SLC18A1: variants seen among roughly 807,000 people sequenced by gnomAD.
SLC18A1 encodes solute carrier family 18 member A1, also known as chromaffin granule amine transporter.
SLC18A1 carries 69 observed loss-of-function variants against 53.7 expected under a neutral mutation model. The observed-to-expected ratio is 1.28, with a 90% CI of 1.06 to 1.57. The LOEUF (loss-of-function observed/expected upper bound fraction) is 1.57. Ranked by LOEUF, SLC18A1 falls within the 40% of genes most tolerant of loss-of-function variation. The probability of loss-of-function intolerance (pLI) is 0.00; values close to 1 mark genes in which losing one functional copy is unlikely to be tolerated. For missense variants in SLC18A1, 932 were observed against 668.1 expected (o/e 1.40, Z -4.35); for synonymous variants, 320 against 248.1 (o/e 1.29, Z -2.72).
Position 20,167,013 on chromosome 8 carries a change from G to C in SLC18A1, c.859-1906C>G, listed in dbSNP as rs117976049. ...CTTGACCATGGACGTTCAGCCTCCA[G>C]AGTCGTGAGAAAATAAATATGTGTT... is the stretch of plus-strand genomic sequence containing the variant. On this transcript the variant is annotated intron_variant, in intron 8 of 15. Transcript: ENST00000276373. Among the ~76,000 whole-genome samples the C allele has an allele frequency of 1.9e-3, 292 of 152,116 alleles. 1 individual carries two copies. The highest frequency in any genetic ancestry group is 3.4e-3 in the Middle Eastern group (1 of 294).
At chr8:20,164,820 A>G (rs1331700215) in intron 10 of SLC18A1, 49 bp downstream of exon 10, 4 of 1,441,014 alleles carry the variant, frequency 2.8e-6, no homozygotes, top group African/African-American at 1.4e-5. Context: ...GACTCATGGC[A>G]CCCACCTCCT....
intron 11 of SLC18A1, among the ~76,000 whole-genome samples, chr8:20,150,022 A>T (rs2071510330): frequency 6.6e-6 from 1 of 152,100 alleles, no homozygotes; most frequent in African/African-American, 2.4e-5. Context: ...TGTTCCTTAG[A>T]AGTAGCCCTC....
At chr8:20,164,415 T>C (rs1474133590) in intron 10 of SLC18A1, among the ~76,000 whole-genome samples, 1 of 152,214 alleles carries the variant, frequency 6.6e-6, no homozygotes, top group Admixed American at 6.5e-5. Context: ...TGGATGGTAA[T>C]GGTGCACATT....
In SLC18A1 at chr8:20,145,238, C is replaced by T. The variant is rs892050829; in HGVS notation, c.*525G>A. 3 of 149,996 alleles carry T rather than the reference C, an allele frequency of 2.0e-5. No individual in the cohort carries two copies. The highest frequency in any genetic ancestry group is 4.4e-5 in the Non-Finnish European group (3 of 67,470). The allele number at this position is 149,996 out of a possible 1,614,324, so 9.3% of individuals were successfully genotyped here. A position where few individuals can be genotyped will look rare whatever the true frequency, so the allele number is the denominator to read the frequency against. On this transcript the variant is annotated 3_prime_UTR_variant, in exon 16 of 16. Transcript: ENST00000276373. Reference sequence around the variant, plus strand: ...AAAAAAAAAAATAAATGAAAAAAAACAAAACAAAACTCTTCAAGCTGGCAT... The same window carrying T: ...AAAAAAAAAAATAAATGAAAAAAAATAAAACAAAACTCTTCAAGCTGGCAT...
rs867938855 is a variant in SLC18A1, at chr8:20,165,457, C to G, written c.859-350G>C. On this transcript the variant is annotated intron_variant, in intron 8 of 15. Transcript: ENST00000276373. ...TAGATGTCTGGACTCCTGGTTTCCACTAGATCTCCCTGGTACTAATATTTG... is the reference window on the plus strand; with the variant it reads ...TAGATGTCTGGACTCCTGGTTTCCAGTAGATCTCCCTGGTACTAATATTTG... 2.0e-5 allele frequency among the ~76,000 whole-genome samples: 3 copies of G among 152,272 alleles called. No individual in the cohort carries two copies. The South Asian group carries it at 6.2e-4, about 32-fold the overall frequency.
intron 6 of SLC18A1, 33 bp from the exon 7 acceptor site, chr8:20,171,527 G>C (rs369405475): frequency 6.6e-7 from 1 of 1,511,554 alleles, no homozygotes; most frequent in Non-Finnish European, 9.2e-7. Context: ...GATTCCAGAG[G>C]TGAGGGTGAG....
At chr8:20,146,459 A>G (rs1460496898) in intron 15 of SLC18A1, among the ~76,000 whole-genome samples, 1 of 152,140 alleles carries the variant, frequency 6.6e-6, no homozygotes, top group Non-Finnish European at 1.5e-5. Context: ...ACCACTCCCT[A>G]TCACACCTTC....
intron 12 of SLC18A1, chr8:20,148,564 G>T: frequency 2.3e-6 from 2 of 887,008 alleles, no homozygotes; most frequent in South Asian, 1.4e-5. Flanking sequence ...CCAGTTAGCT[G>T]TAAGCTAGAG....
intron 10 of SLC18A1, among the ~76,000 whole-genome samples, chr8:20,160,293 C>T (rs973130297): frequency 1.3e-5 from 2 of 148,538 alleles, no homozygotes; most frequent in South Asian, 2.2e-4. Context: ...AGCCTACAGC[C>T]TCCTAGATAC....
At position 20,174,896 on chromosome 8, in the gene SLC18A1, G is replaced by C. The variant is rs529775825; in HGVS notation, c.548-452C>G. On this transcript the variant is annotated intron_variant, in intron 4 of 15. Coordinates refer to ENST00000276373, the MANE Select transcript of SLC18A1 (RefSeq NM_003053.4). Reference sequence around the variant, plus strand: ...TACAGTGACAGTAAGTAGGTGCTTCGAGGATTATAGGAATTGGGTAGAAAA... The same window carrying C: ...TACAGTGACAGTAAGTAGGTGCTTCCAGGATTATAGGAATTGGGTAGAAAA... Among the ~76,000 whole-genome samples, 5 of 152,306 alleles carry C rather than the reference G, an allele frequency of 3.3e-5. 1 individual carries two copies. Among genetic ancestry groups the C allele is most frequent in the Admixed American group, 2.6e-4 (4 of 15,304 alleles).
chr8:20,155,304 A>G (rs1295569367), intron 10 of SLC18A1, among the ~76,000 whole-genome samples: 1 of 152,208 alleles, frequency 6.6e-6, no homozygotes, highest in African/African-American at 2.4e-5. Flanking sequence ...CTTCCTTAGA[A>G]TCAGAGGAAA....
chr8:20,167,409 G>C (rs1283024113), intron 8 of SLC18A1, among the ~76,000 whole-genome samples: 2 of 152,008 alleles, frequency 1.3e-5, no homozygotes, highest in Admixed American at 1.3e-4. Context: ...TCACCTATTT[G>C]TATAATAGGG....
intron 6 of SLC18A1, among the ~76,000 whole-genome samples, chr8:20,171,981 G>C (rs2072134285): frequency 6.6e-6 from 1 of 152,346 alleles, no homozygotes; most frequent in Non-Finnish European, 1.5e-5. Flanking sequence ...GAGGAGAAAA[G>C]TAGAGCCTTG....
rs1158377069 is a variant in SLC18A1, at chr8:20,145,695, T to C, written c.*68A>G. ...GCCCACTGAGCCGTGGGCTCAGCCA[T>C]GGTGATCTGGTCCCAGGGAAAGAGG... On this transcript the variant is annotated 3_prime_UTR_variant, in exon 16 of 16. Transcript: ENST00000276373. 4 of 1,004,756 alleles carry C rather than the reference T, an allele frequency of 4.0e-6. 1 individual carries two copies. Among genetic ancestry groups the C allele is most frequent in the Non-Finnish European group, 6.0e-6 (4 of 661,474 alleles). 62.2% of individuals were successfully genotyped at this position (1,004,756 alleles called of 1,614,324 possible). A position where few individuals can be genotyped will look rare whatever the true frequency, so the allele number is the denominator to read the frequency against.
At chr8:20,149,300 G>A (rs1186664767) in intron 12 of SLC18A1, among the ~76,000 whole-genome samples, 1 of 152,048 alleles carries the variant, frequency 6.6e-6, no homozygotes, top group African/African-American at 2.4e-5. Flanking sequence ...AGTAAATGAA[G>A]TCATAAAACG....
rs766398539 is a variant in SLC18A1 at position 20,174,316 on chromosome 8, G to T, written c.631+45C>A. 6.2e-6 allele frequency: 8 copies of T among 1,289,582 alleles called. No homozygotes were observed. In the South Asian group the frequency reaches 7.1e-5, roughly 11 times the overall value. The allele number at this position is 1,289,582 out of a possible 1,614,324, so 79.9% of individuals were successfully genotyped here. A position where few individuals can be genotyped will look rare whatever the true frequency, so the allele number is the denominator to read the frequency against. ...CTGAGGTAGTAAGAGATGTGTGTGT[G>T]TGCATGCCTGCATGTGTGTGTGCAT... is the stretch of plus-strand genomic sequence containing the variant. On this transcript the variant is annotated intron_variant, in intron 5 of 15. Coordinates refer to ENST00000276373, the MANE Select transcript of SLC18A1 (RefSeq NM_003053.4).
chr8:20,175,402 A>G (rs555731720), intron 4 of SLC18A1: 2 of 152,356 alleles, frequency 1.3e-5, no homozygotes, highest in East Asian at 3.9e-4. Context: ...GGCATAGGAA[A>G]TTATAAGAGT....
At chr8:20,170,610 A>T (rs1563757683) in intron 8 of SLC18A1, among the ~76,000 whole-genome samples, 1 of 152,140 alleles carries the variant, frequency 6.6e-6, no homozygotes, top group Non-Finnish European at 1.5e-5. Flanking sequence ...TGACAGAATG[A>T]CAGTTAGGGA....
intron 10 of SLC18A1, among the ~76,000 whole-genome samples, chr8:20,155,176 G>A (rs553478863): frequency 1.7e-4 from 26 of 152,292 alleles, no homozygotes; most frequent in East Asian, 5.8e-4. Context: ...GGAGCAGCCC[G>A]CCCCATCTTG....
Sources: allele counts gnomAD v4.1 joint callset (sites outside exome capture counted in the v4.1 genomes callset), GRCh38; gene constraint gnomAD v4.1.1; transcripts MANE v1.5; gene names NCBI Gene and HGNC (gene_info 2026-07-23, HGNC 2026-07-21).